Variants in YAP1 observed in about 807,000 individuals in gnomAD.
YAP1 encodes transcriptional coactivator YAP1.
A neutral mutation model predicts 56.9 loss-of-function variants in YAP1; 5 were observed. That is an observed-to-expected ratio of 0.09 (90% CI 0.05 to 0.18). YAP1 has a LOEUF of 0.18. Ranked by LOEUF, YAP1 falls within the 10% of genes least tolerant of loss-of-function variation. YAP1 has a pLI of 1.00. For missense variants in YAP1, 539 were observed against 651.8 expected (o/e 0.83, Z 1.88); for synonymous variants, 265 against 248.1 (o/e 1.07, Z -0.64).
chr11:102,132,858 T>A (rs1178688472), intron 2 of YAP1, among the ~76,000 whole-genome samples: 1 of 152,256 alleles, frequency 6.6e-6, no homozygotes, highest in South Asian at 2.1e-4. Context: ...TTACTTTTTT[T>A]ATTTTTTACT....
chr11:102,160,438 A>T (rs1439707935), intron 2 of YAP1, among the ~76,000 whole-genome samples: 1 of 152,156 alleles, frequency 6.6e-6, no homozygotes, highest in Non-Finnish European at 1.5e-5. Flanking sequence ...AATCATGAAC[A>T]TTGTGTATTA....
intron 3 of YAP1, among the ~76,000 whole-genome samples, chr11:102,182,245 G>A (rs1442005117): frequency 6.6e-6 from 1 of 152,174 alleles, no homozygotes; most frequent in African/African-American, 2.4e-5. Context: ...AAACCTTCCA[G>A]GTGATTCTGA....
At chr11:102,184,433 A>G (rs1947838311) in intron 3 of YAP1, among the ~76,000 whole-genome samples, 1 of 152,346 alleles carries the variant, frequency 6.6e-6, no homozygotes, top group East Asian at 1.9e-4. Flanking sequence ...GATGTGTACA[A>G]CAAATTCTAC....
At position 102,110,842 on chromosome 11, in the gene YAP1, A is replaced by G; in HGVS notation, c.-7A>G. On this transcript the variant is annotated 5_prime_UTR_variant, in exon 1 of 9. Coordinates refer to ENST00000282441, the MANE Select transcript of YAP1 (RefSeq NM_001130145.3). ...TCAGGGGGTGCGCGTCGGGGGAGGCAGAAGCCATGGATCCCGGGCAGCAGC... is the reference window on the plus strand; with the variant it reads ...TCAGGGGGTGCGCGTCGGGGGAGGCGGAAGCCATGGATCCCGGGCAGCAGC... The G allele has an allele frequency of 7.1e-7, 1 of 1,400,684 alleles. No individual in the cohort carries two copies. The highest frequency in any genetic ancestry group is 9.3e-7 in the Non-Finnish European group (1 of 1,076,860). The allele number at this position is 1,400,684 out of a possible 1,614,324, so 86.8% of individuals were successfully genotyped here.
At chr11:102,228,282 T>C (rs954880210) in intron 8 of YAP1, among the ~76,000 whole-genome samples, 14 of 152,108 alleles carry the variant, frequency 9.2e-5, no homozygotes, top group Non-Finnish European at 5.9e-5. Context: ...TTAAGTGTTA[T>C]GGGGCTCAGG....
At chr11:102,135,639 C>G (rs376727359) in intron 2 of YAP1, among the ~76,000 whole-genome samples, 3 of 152,164 alleles carry the variant, frequency 2.0e-5, no homozygotes, top group East Asian at 1.9e-4. Flanking sequence ...CAAATCTAAC[C>G]TTGGACATCC....
At chr11:102,196,794 T>A (rs913988010) in intron 4 of YAP1, among the ~76,000 whole-genome samples, 8 of 152,126 alleles carry the variant, frequency 5.3e-5, no homozygotes, top group African/African-American at 1.4e-4. Flanking sequence ...TTTAGGTATA[T>A]AGTGTATTGA....
intron 4 of YAP1, among the ~76,000 whole-genome samples, chr11:102,192,088 C>T (rs901350264): frequency 6.6e-6 from 1 of 152,294 alleles, no homozygotes; most frequent in East Asian, 1.9e-4. Context: ...TGACCTTTCC[C>T]TTTACTAGTT....
intron 6 of YAP1, among the ~76,000 whole-genome samples, chr11:102,214,850 T>C (rs1949581744): frequency 6.6e-6 from 1 of 152,190 alleles, no homozygotes; most frequent in African/African-American, 2.4e-5. Context: ...AAAGGCCTAA[T>C]TCCAGAAGTC....
intron 1 of YAP1, among the ~76,000 whole-genome samples, chr11:102,113,017 A>G (rs1031563722): frequency 1.3e-5 from 2 of 151,956 alleles, no homozygotes; most frequent in Non-Finnish European, 2.9e-5. Context: ...TTTTTAACTA[A>G]GTGTTTTGCA....
At chr11:102,143,928 G>A (rs933437336) in intron 2 of YAP1, among the ~76,000 whole-genome samples, 2 of 152,180 alleles carry the variant, frequency 1.3e-5, no homozygotes, top group African/African-American at 4.8e-5. Flanking sequence ...TAAGCAATAG[G>A]AATGATTTCT....
Position 102,114,448 on chromosome 11 carries a change from A to T in YAP1, c.572+54A>T, listed in dbSNP as rs555558435. ...TATCTAAGACAAATATGTATTGGAA[A>T]ACACAGTAAAGTGGTGTCAAGATAC... On this transcript the variant is annotated intron_variant, in intron 2 of 8. Transcript: ENST00000282441. 1.5e-4 allele frequency: 240 copies of T among 1,581,162 alleles called. 2 individuals carry two copies. The African/African-American group carries it at 2.9e-3, about 19-fold the overall frequency.
rs574205704 is a variant in YAP1, at chr11:102,200,998, G to A, written c.803-4895G>A. Among the ~76,000 whole-genome samples the A allele has an allele frequency of 2.0e-5, 3 of 152,252 alleles. No individual in the cohort carries two copies. The South Asian group carries it at 6.2e-4, about 32-fold the overall frequency. The stretch of plus-strand genomic sequence containing the variant: ...CATCAAAGTACAACTCCTGGGGTGG[G>A]GCGGTGGTGTAAATTTGGCGATATC... On this transcript the variant is annotated intron_variant, in intron 4 of 8. Transcript: ENST00000282441.
At chr11:102,146,151 T>C (rs1257785458) in intron 2 of YAP1, among the ~76,000 whole-genome samples, 3 of 152,154 alleles carry the variant, frequency 2.0e-5, no homozygotes, top group African/African-American at 7.2e-5. Context: ...TGGCCCCATA[T>C]CACCTTTCTA....
intron 3 of YAP1, among the ~76,000 whole-genome samples, chr11:102,184,116 G>C (rs1050844299): frequency 1.3e-5 from 2 of 150,920 alleles, no homozygotes; most frequent in African/African-American, 4.9e-5. Flanking sequence ...ATGAGATCTT[G>C]GGGTTGTTGA....
chr11:102,140,004 A>G (rs141685104), intron 2 of YAP1, among the ~76,000 whole-genome samples: 89 of 152,362 alleles, frequency 5.8e-4, no homozygotes, highest in African/African-American at 1.8e-3. Flanking sequence ...CTGAAAATCA[A>G]TGAGCTTTAA....
rs558227236 is a variant in YAP1 at position 102,136,555 on chromosome 11, G to T, written c.572+22161G>T. Among the ~76,000 whole-genome samples the T allele has an allele frequency of 1.7e-3, 256 of 152,102 alleles. 1 individual carries two copies. The highest frequency in any genetic ancestry group is 2.8e-3 in the Non-Finnish European group (193 of 67,988). ...TTTGGTAGAGATGGAGTTTCACCATGTTGCCCAAGCTGGTGTCGAACTTCT... is the reference window on the plus strand; with the variant it reads ...TTTGGTAGAGATGGAGTTTCACCATTTTGCCCAAGCTGGTGTCGAACTTCT... On this transcript the variant is annotated intron_variant, in intron 2 of 8. Coordinates refer to ENST00000282441, the MANE Select transcript of YAP1 (RefSeq NM_001130145.3).
intron 4 of YAP1, among the ~76,000 whole-genome samples, chr11:102,195,566 T>C (rs1565255727): frequency 6.6e-6 from 1 of 152,102 alleles, no homozygotes; most frequent in Admixed American, 6.5e-5. Flanking sequence ...AATTGAATCA[T>C]GGGGGCAATT....
At chr11:102,169,585 T>C (rs1313260075) in intron 3 of YAP1, among the ~76,000 whole-genome samples, 1 of 152,230 alleles carries the variant, frequency 6.6e-6, no homozygotes, top group African/African-American at 2.4e-5. Flanking sequence ...GACTAGTTAC[T>C]CTCGGGCTTG....
Sources: allele counts gnomAD v4.1 joint callset (sites outside exome capture counted in the v4.1 genomes callset), GRCh38; gene constraint gnomAD v4.1.1; transcripts MANE v1.5; gene names NCBI Gene and HGNC (gene_info 2026-07-23, HGNC 2026-07-21).